Variants in SEC24A observed in about 807,000 individuals in gnomAD.
The protein encoded by SEC24A is SEC24 homolog A, COPII component.
A neutral mutation model predicts 129.4 loss-of-function variants in SEC24A; 93 were observed. The observed-to-expected ratio is 0.72, with a 90% CI of 0.61 to 0.85. The LOEUF (loss-of-function observed/expected upper bound fraction) is 0.85, where lower values mean the gene tolerates loss of function less well. Among genes scored for constraint, SEC24A ranks in the 40% least tolerant of loss-of-function variants. The pLI is 0.00. For missense variants in SEC24A, 1,264 were observed against 1,307.4 expected (o/e 0.97, Z 0.51); for synonymous variants, 460 against 467.3 (o/e 0.98, Z 0.20).
chr5:134,664,052 A>G (rs1264695871), intron 2 of SEC24A, among the ~76,000 whole-genome samples: 2 of 152,182 alleles, frequency 1.3e-5, no homozygotes, highest in Non-Finnish European at 2.9e-5. Flanking sequence ...CGGAGGTTGC[A>G]GTGAGCTGAG....
intron 12 of SEC24A, 170 bp from the exon 13 acceptor site, chr5:134,693,557 T>A (rs566900074): frequency 4.9e-6 from 7 of 1,431,390 alleles, no homozygotes. Flanking sequence ...CAATTTATAA[T>A]GTTGACTTAA....
intron 8 of SEC24A, 84 bp downstream of exon 8, chr5:134,679,812 A>T: frequency 8.7e-7 from 1 of 1,149,564 alleles, no homozygotes; most frequent in South Asian, 2.6e-5. Context: ...AGTTAAAAAA[A>T]AAAAACCCTT....
At chr5:134,714,973 T>C in intron 18 of SEC24A, 51 bp from the exon 19 acceptor site, 1 of 1,546,926 alleles carries the variant, frequency 6.5e-7, no homozygotes. Flanking sequence ...AAGTTCTGGA[T>C]GTATTTTTAA....
chr5:134,657,182 GCACA>G (rs70976550), intron 1 of SEC24A, among the ~76,000 whole-genome samples: 59 of 136,292 alleles, frequency 4.3e-4, no homozygotes, highest in Middle Eastern at 3.7e-3. Flanking sequence ...TCTGAAAAAC[GCACA>G]CACACACACA....
At chr5:134,685,816 G>A (rs1751431776) in intron 9 of SEC24A, among the ~76,000 whole-genome samples, 4 of 152,018 alleles carry the variant, frequency 2.6e-5, no homozygotes, top group Admixed American at 1.3e-4. Flanking sequence ...GTGAAACCCT[G>A]TCTCTACTAA....
intron 1 of SEC24A, among the ~76,000 whole-genome samples, chr5:134,649,837 G>A (rs539637554): frequency 6.6e-6 from 1 of 152,322 alleles, no homozygotes; most frequent in East Asian, 1.9e-4. Flanking sequence ...GTCATTTGAT[G>A]TGAGAATGTC....
chr5:134,701,532 A>G (rs1752006905), intron 15 of SEC24A, among the ~76,000 whole-genome samples: 1 of 146,262 alleles, frequency 6.8e-6, no homozygotes, highest in African/African-American at 2.5e-5. Context: ...TTTTTTTGAG[A>G]CGGAGTCTCG....
At chr5:134,676,583 A>C (rs1362972618) in intron 7 of SEC24A, among the ~76,000 whole-genome samples, 1 of 151,160 alleles carries the variant, frequency 6.6e-6, no homozygotes, top group African/African-American at 2.4e-5. Context: ...AGCTGGCATT[A>C]TAGGCATCTG....
intron 1 of SEC24A, among the ~76,000 whole-genome samples, chr5:134,655,740 T>C (rs1430518404): frequency 1.3e-5 from 2 of 152,174 alleles, no homozygotes; most frequent in Non-Finnish European, 2.9e-5. Flanking sequence ...TTTTCAGTTC[T>C]CATTTTCCGA....
chr5:134,672,838 C>T (rs1289683746), intron 4 of SEC24A, among the ~76,000 whole-genome samples: 3 of 151,632 alleles, frequency 2.0e-5, no homozygotes, highest in African/African-American at 4.8e-5. Context: ...TGGGCTCGTG[C>T]GATCTTCTAC....
At chr5:134,702,816 G>A (rs760312137) in intron 15 of SEC24A, among the ~76,000 whole-genome samples, 1 of 152,106 alleles carries the variant, frequency 6.6e-6, no homozygotes, top group Non-Finnish European at 1.5e-5. Context: ...CTAGGCTGGA[G>A]TGCAGTGGCG....
intron 17 of SEC24A, 121 bp downstream of exon 17, chr5:134,705,558 C>T: frequency 1.8e-6 from 1 of 547,232 alleles, no homozygotes; most frequent in Non-Finnish European, 3.2e-6. Flanking sequence ...CCCTGGGTGC[C>T]TGCTAAGTAA....
At chr5:134,715,723 A>G (rs1364775338) in intron 19 of SEC24A, 1 of 152,938 alleles carries the variant, frequency 6.5e-6, no homozygotes, top group African/African-American at 2.4e-5. Flanking sequence ...CATTAGCACA[A>G]ATACCTAATG....
At chr5:134,713,910 C>T (rs796805715) in intron 18 of SEC24A, among the ~76,000 whole-genome samples, 96 of 150,900 alleles carry the variant, frequency 6.4e-4, no homozygotes, top group African/African-American at 2.1e-3. Flanking sequence ...GGTGTGGTGT[C>T]GCGCACCTGT....
chr5:134,691,802 A>G (rs1023600077), intron 11 of SEC24A, among the ~76,000 whole-genome samples: 1 of 152,252 alleles, frequency 6.6e-6, no homozygotes, highest in Admixed American at 6.5e-5. Context: ...TTTATGAGAA[A>G]GCATCTGCTT....
rs1337773385 is a variant in SEC24A at position 134,725,728 on chromosome 5, C to A, written c.*634C>A. ...GTCAGTATTCTTTATGCTTGAAGAA[C>A]AAAGTCACTTTGATTTGAAGTGAGA... On this transcript the variant is annotated 3_prime_UTR_variant, in exon 23 of 23. Coordinates refer to ENST00000398844, the MANE Select transcript of SEC24A (RefSeq NM_021982.3). 6.6e-6 allele frequency: 1 copy of A among 152,332 alleles called. No homozygotes were observed. The highest frequency in any genetic ancestry group is 1.9e-4 in the East Asian group (1 of 5,196). 9.4% of individuals were successfully genotyped at this position (152,332 alleles called of 1,614,324 possible).
intron 6 of SEC24A, among the ~76,000 whole-genome samples, chr5:134,675,708 G>A (rs1751035769): frequency 1.3e-5 from 2 of 151,988 alleles, no homozygotes; most frequent in Non-Finnish European, 2.9e-5. Context: ...TGCAATTTGG[G>A]CCATCACCTA....
chr5:134,683,782 A>G (rs1298422531), intron 9 of SEC24A, among the ~76,000 whole-genome samples: 1 of 152,216 alleles, frequency 6.6e-6, no homozygotes, highest in Admixed American at 6.6e-5. Flanking sequence ...AAGCACGTAC[A>G]CTTTTGATCA....
At chr5:134,708,177 T>A (rs1752221177) in intron 17 of SEC24A, among the ~76,000 whole-genome samples, 1 of 151,806 alleles carries the variant, frequency 6.6e-6, no homozygotes, top group Non-Finnish European at 1.5e-5. Context: ...AAATGTAAAA[T>A]AAAAACTCTG....
Sources: allele counts gnomAD v4.1 joint callset (sites outside exome capture counted in the v4.1 genomes callset), GRCh38; gene constraint gnomAD v4.1.1; transcripts MANE v1.5; gene names NCBI Gene and HGNC (gene_info 2026-07-23, HGNC 2026-07-21).